Variants in FURIN observed in about 807,000 individuals in gnomAD.
FURIN encodes the protein furin, paired basic amino acid cleaving enzyme.
Under a neutral mutation model 89.2 loss-of-function variants are expected in FURIN, and 18 were observed. The ratio of observed to expected loss-of-function variants is 0.20; its 90% confidence interval spans 0.14 to 0.30. The LOEUF (loss-of-function observed/expected upper bound fraction) is 0.30, where lower values mean the gene tolerates loss of function less well. Ranked by LOEUF, FURIN falls within the 10% of genes least tolerant of loss-of-function variation. The pLI, the probability that FURIN is intolerant of heterozygous loss-of-function variation, is 1.00. For synonymous variants in FURIN, 508 were observed against 466.4 expected, an observed-to-expected ratio of 1.09 and a Z score of -1.15; for missense variants, 879 against 1,100.5, an observed-to-expected ratio of 0.80 and a Z score of 2.85.
intron 14 of FURIN, 49 bp downstream of exon 14, chr15:90,880,864 G>A (rs1402282811): frequency 1.9e-6 from 3 of 1,610,928 alleles, no homozygotes; most frequent in South Asian, 1.1e-5. Context: ...GGGCTGGCAG[G>A]ATCTCGAGCA....
rs552492512 is a variant in FURIN at position 90,879,446 on chromosome 15, G to A, written c.1056G>A (p.Val352=). Residue 352 remains valine, a splice_region_variant and synonymous_variant, in exon 10 of 16, where the codon GTG becomes GTA. Coordinates refer to ENST00000268171, the MANE Select transcript of FURIN (RefSeq NM_002569.4). ...SSGNQNEKQI[V]TTDLRQKCTE... ...CAATATGATTCTCTTCCTGGCAGGT[G>A]ACGACTGACTTGCGGCAGAAGTGCA... 44 of 1,609,970 alleles carry A rather than the reference G, an allele frequency of 2.7e-5. 1 individual carries two copies. The South Asian group carries it at 3.6e-4, about 13-fold the overall frequency.
In FURIN at chr15:90,883,349, A is replaced by G. The variant is rs1567087162; in HGVS notation, c.*1471A>G. Reference sequence around the variant, plus strand: ...TAAGATGCTGGGTTGGTGCACAGTGATTTTTTTCTTGTAATTTAAACAGGC... The same window carrying G: ...TAAGATGCTGGGTTGGTGCACAGTGGTTTTTTTCTTGTAATTTAAACAGGC... On this transcript the variant is annotated 3_prime_UTR_variant, in exon 16 of 16. Transcript: ENST00000268171. The G allele has an allele frequency of 6.5e-6, 1 of 152,864 alleles. No homozygotes were observed. The highest frequency in any genetic ancestry group is 2.4e-5 in the African/African-American group (1 of 41,424). 9.5% of individuals were successfully genotyped at this position (152,864 alleles called of 1,614,324 possible).
Position 90,878,968 on chromosome 15 carries a change from AAGC to A in FURIN, c.1048_1050del (p.Gln350del). ...CTACAGCAGTGGCAACCAGAATGAGAAGCAGATCGTGAGTCTTACCTGGGGGTG... is the reference window on the plus strand; with the variant it reads ...CTACAGCAGTGGCAACCAGAATGAGAAGATCGTGAGTCTTACCTGGGGGTG... On this transcript the variant is annotated inframe_deletion, in exon 9 of 16. Transcript: ENST00000268171. 1.3e-6 allele frequency: 2 copies of A among 1,588,944 alleles called. No homozygotes were observed. Among genetic ancestry groups the A allele is most frequent in the Non-Finnish European group, 1.7e-6 (2 of 1,167,004 alleles).
In FURIN at chr15:90,879,938, G is replaced by A. The variant is rs749204282; in HGVS notation, c.1330G>A (p.Val444Met). The change falls in exon 12 of 16, where the codon GTG (valine) becomes ATG (methionine). Residue 444 changes from valine (V) to methionine (M), a missense_variant. Val to Met is a conservative substitution (Grantham distance 21). This residue lies in a region of FURIN where 457 missense variants were observed against 490.7 expected (regional missense o/e 0.93). Coordinates refer to ENST00000268171, the MANE Select transcript of FURIN (RefSeq NM_002569.4). ...MVALAQNWTTVAPQRKCIIDI... is the reference protein window; with the variant it reads ...MVALAQNWTTMAPQRKCIIDI... ...GGCCCTGGCCCAGAATTGGACCACAGTGGCCCCCCAGCGGAAGTGCATCAT... is the reference window on the plus strand; with the variant it reads ...GGCCCTGGCCCAGAATTGGACCACAATGGCCCCCCAGCGGAAGTGCATCAT... 3.5e-5 allele frequency: 56 copies of A among 1,613,216 alleles called. No individual in the cohort carries two copies. The African/African-American group carries it at 6.1e-4, about 18-fold the overall frequency.
intron 8 of FURIN, 144 bp downstream of exon 8, chr15:90,878,448 G>A: frequency 1.3e-6 from 1 of 768,296 alleles, no homozygotes; most frequent in Non-Finnish European, 2.0e-6. Flanking sequence ...GACAGAAGAA[G>A]AGTAGAGTGC....
chr15:90,881,421 C>T lies in FURIN; in HGVS notation c.1928C>T (p.Pro643Leu). 6.2e-7 allele frequency: 1 copy of T among 1,612,806 alleles called. No individual in the cohort carries two copies. The highest frequency in any genetic ancestry group is 8.5e-7 in the Non-Finnish European group (1 of 1,179,978). Residue 643 changes from proline (P) to leucine (L), a missense_variant, in exon 16 of 16, where the codon CCC becomes CTC. By Grantham distance (98) the Pro-to-Leu change is moderately conservative. Transcript: ENST00000268171. This position sits in a 1 kb window ranked among gnomAD's most constrained non-coding sequence, Gnocchi z 4.3. ...ACCATCCGGGCCAGCGTCTGCGCCC[C>T]CTGCCACGCCTCATGTGCCACATGC... is the stretch of plus-strand genomic sequence containing the variant. ...VETIRASVCA[P>L]CHASCATCQG...
In FURIN at chr15:90,879,500, T is replaced by C; in HGVS notation, c.1110T>C (p.Ser370=). Residue 370 remains serine (S), a synonymous_variant, in exon 10 of 16, where the codon TCT becomes TCC. Transcript: ENST00000268171. ...CTESHTGTSA[S]APLAAGIIAL... Reference sequence around the variant, plus strand: ...AGTCTCACACGGGCACCTCAGCCTCTGCCCCCTTAGCAGCCGGCATCATTG... The same window carrying C: ...AGTCTCACACGGGCACCTCAGCCTCCGCCCCCTTAGCAGCCGGCATCATTG... The C allele has an allele frequency of 6.2e-7, 1 of 1,613,660 alleles. No homozygotes were observed. The highest frequency in any genetic ancestry group is 8.5e-7 in the Non-Finnish European group (1 of 1,179,794).
rs146865309 is a variant in FURIN at position 90,878,271 on chromosome 15, C to T, written c.807C>T (p.Leu269=). Residue 269 remains leucine (L), a synonymous_variant, in exon 8 of 16, where the codon CTC becomes CTT. Transcript: ENST00000268171. ...AGACAGTGGATGGGCCAGCCCGCCT[C>T]GCCGAGGAGGCCTTCTTCCGTGGGG... ...DGKTVDGPAR[L]AEEAFFRGVS... is the part of the protein sequence containing the mutation. The T allele has an allele frequency of 1.7e-4, 277 of 1,606,692 alleles. No homozygotes were observed. The highest frequency in any genetic ancestry group is 1.9e-4 in the Non-Finnish European group (228 of 1,175,406).
Position 90,877,611 on chromosome 15 carries a change from T to C in FURIN, c.663T>C (p.Ile221=), listed in dbSNP as rs774180254. The change falls in exon 7 of 16, where the codon ATT becomes ATC. Residue 221 remains isoleucine (I), a synonymous_variant. Transcript: ENST00000268171. The part of the protein sequence containing the change: ...CGVGVAYNAR[I]GGVRMLDGEV... ...TAGGTGTGGCCTACAACGCCCGCAT[T>C]GGAGGTGAGTGTGGGCCTGGGCCAC... 3.8e-6 allele frequency: 6 copies of C among 1,561,264 alleles called. 1 individual carries two copies. In the South Asian group the frequency reaches 7.1e-5, roughly 18 times the overall value.
In FURIN at chr15:90,881,167, A is replaced by T. The variant is rs1221826203; in HGVS notation, c.1793-119A>T. On this transcript the variant is annotated intron_variant, in intron 15 of 15. Transcript: ENST00000268171. The surrounding 1 kb of genome is among the most constrained non-coding windows in gnomAD (Gnocchi z 4.3). ...TAGGGCCCCTGGGGCTCTTGGGATG[A>T]CCACAGTCCTGGGGCTGGAGGATCC... The T allele has an allele frequency of 1.8e-6, 2 of 1,093,732 alleles. No homozygotes were observed. Among genetic ancestry groups the T allele is most frequent in the African/African-American group, 1.6e-5 (1 of 63,882 alleles). The allele number at this position is 1,093,732 out of a possible 1,614,324, so 67.8% of individuals were successfully genotyped here. A position where few individuals can be genotyped will look rare whatever the true frequency, so the allele number is the denominator to read the frequency against.
In FURIN at chr15:90,879,611, C is replaced by G. The variant is rs1349801253; in HGVS notation, c.1155-60C>G. Reference sequence around the variant, plus strand: ...ACTCTCTGTAGGGCAGCCCTTAGGGCAGCTGGAGAGCTGCTCCCAAAAAAG... The same window carrying G: ...ACTCTCTGTAGGGCAGCCCTTAGGGGAGCTGGAGAGCTGCTCCCAAAAAAG... On this transcript the variant is annotated intron_variant, in intron 10 of 15. Transcript: ENST00000268171. The G allele has an allele frequency of 3.7e-5, 58 of 1,566,212 alleles. 1 individual carries two copies. The East Asian group carries it at 1.1e-3, about 29-fold the overall frequency.
intron 1 of FURIN, among the ~76,000 whole-genome samples, chr15:90,872,047 C>T (rs1032683096): frequency 2.0e-5 from 3 of 151,462 alleles, no homozygotes; most frequent in Admixed American, 2.0e-4. Context: ...TCCCCGCCGC[C>T]ACCGGGGCTG....
Position 90,876,867 on chromosome 15 carries a change from C to G in FURIN, c.373-29C>G, listed in dbSNP as rs375394890. Reference sequence around the variant, plus strand: ...TAGCCTCACAAAACCAATCATGTCTCATAAGTGATGGGGTGGGTGTCTCCA... The same window carrying G: ...TAGCCTCACAAAACCAATCATGTCTGATAAGTGATGGGGTGGGTGTCTCCA... On this transcript the variant is annotated intron_variant, in intron 4 of 15. Transcript: ENST00000268171. The surrounding 1 kb of genome is among the most constrained non-coding windows in gnomAD (Gnocchi z 5.0). The G allele has an allele frequency of 5.6e-6, 9 of 1,612,104 alleles. No homozygotes were observed. In the African/African-American group the frequency reaches 1.2e-4, roughly 22 times the overall value.
At chr15:90,872,361 C>T (rs1295133618) in intron 1 of FURIN, among the ~76,000 whole-genome samples, 1 of 152,180 alleles carries the variant, frequency 6.6e-6, no homozygotes, top group Non-Finnish European at 1.5e-5. Flanking sequence ...CCCGCTTTCC[C>T]ATCATCCTCT....
At chr15:90,872,552 C>G (rs1296404275) in intron 1 of FURIN, among the ~76,000 whole-genome samples, 1 of 152,142 alleles carries the variant, frequency 6.6e-6, no homozygotes, top group Non-Finnish European at 1.5e-5. Context: ...GGGCAGCCCT[C>G]GTTTTACTAT....
chr15:90,879,354 C>A (rs1291451236), intron 9 of FURIN, 90 bp from the exon 10 acceptor site: 1 of 962,180 alleles, frequency 1.0e-6, no homozygotes, highest in African/African-American at 1.6e-5. Context: ...CTGTGGTGCC[C>A]AGGGCCTGTA....
Position 90,878,194 on chromosome 15 carries a change from C to G in FURIN, c.730C>G (p.Pro244Ala). The change falls in exon 8 of 16, where the codon CCC becomes GCC. Residue 244 changes from proline (P) to alanine (A), a missense_variant. Pro to Ala is a conservative substitution (Grantham distance 27). Coordinates refer to ENST00000268171, the MANE Select transcript of FURIN (RefSeq NM_002569.4). ...GGAGGCACGCTCGCTGGGCCTGAAC[C>G]CCAACCACATCCACATCTACAGTGC... The part of the protein sequence containing the change: ...AVEARSLGLN[P>A]NHIHIYSASW... 1.2e-6 allele frequency: 2 copies of G among 1,613,948 alleles called. No individual in the cohort carries two copies. The highest frequency in any genetic ancestry group is 2.2e-5 in the South Asian group (2 of 91,086).
In FURIN at chr15:90,876,455, C is replaced by A. The variant is rs1470850411; in HGVS notation, c.277-7C>A. 1 of 1,607,180 alleles carries A rather than the reference C, an allele frequency of 6.2e-7. No individual in the cohort carries two copies. Among genetic ancestry groups the A allele is most frequent in the Admixed American group, 1.7e-5 (1 of 60,008 alleles). On this transcript the variant is annotated splice_region_variant and splice_polypyrimidine_tract_variant and intron_variant, in intron 3 of 15. Coordinates refer to ENST00000268171, the MANE Select transcript of FURIN (RefSeq NM_002569.4). The surrounding 1 kb of genome is among the most constrained non-coding windows in gnomAD (Gnocchi z 5.0). Reference sequence around the variant, plus strand: ...ACCCACACCATCTCTCCCTCACTCCCCCACAGGTACAGTGGCTGGAACAGC... The same window carrying A: ...ACCCACACCATCTCTCCCTCACTCCACCACAGGTACAGTGGCTGGAACAGC...
At position 90,876,431 on chromosome 15, in the gene FURIN, C is replaced by CT; in HGVS notation, c.277-31_277-30insT. The CT allele has an allele frequency of 6.4e-7, 1 of 1,574,068 alleles. No homozygotes were observed. The highest frequency in any genetic ancestry group is 1.1e-5 in the South Asian group (1 of 90,276). ...GGAGCCCCTCTCGCCTCCTGCTCCA[C>CT]CCACACCATCTCTCCCTCACTCCCC... is the stretch of plus-strand genomic sequence containing the variant. On this transcript the variant is annotated intron_variant, in intron 3 of 15. Coordinates refer to ENST00000268171, the MANE Select transcript of FURIN (RefSeq NM_002569.4). This position sits in a 1 kb window ranked among gnomAD's most constrained non-coding sequence, Gnocchi z 5.0.
Sources: allele counts gnomAD v4.1 joint callset (sites outside exome capture counted in the v4.1 genomes callset), GRCh38; gene constraint gnomAD v4.1.1; regional missense constraint gnomAD v4.1.1; non-coding constraint Gnocchi (gnomAD v3.1); transcripts MANE v1.5; gene names NCBI Gene and HGNC (gene_info 2026-07-23, HGNC 2026-07-21).